The following NIT2 variants were observed in gnomAD, a reference collection of about 807,000 sequenced individuals.
NIT2 encodes the protein nitrilase family member 2.
A neutral mutation model predicts 42.7 loss-of-function variants in NIT2; 46 were observed. The ratio of observed to expected loss-of-function variants is 1.08; its 90% confidence interval spans 0.85 to 1.38. NIT2 has a LOEUF of 1.38. Ranked by LOEUF, NIT2 falls within the 40% of genes most tolerant of loss-of-function variation. NIT2 has a pLI of 0.00. For missense variants in NIT2, 309 were observed against 342.5 expected (o/e 0.90, Z 0.77); for synonymous variants, 123 against 121.9 (o/e 1.01, Z -0.06).
chr3:100,339,961 T>C, intron 3 of NIT2, 26 bp downstream of exon 3: 1 of 1,586,796 alleles, frequency 6.3e-7, no homozygotes, highest in East Asian at 2.3e-5. Context: ...CAAGGTATAA[T>C]GACCTAAACA....
intron 7 of NIT2, 32 bp downstream of exon 7, chr3:100,348,913 G>A (rs755490489): frequency 1.6e-5 from 26 of 1,583,894 alleles, no homozygotes; most frequent in Non-Finnish European, 2.1e-5. Context: ...CAAGCCTCTC[G>A]GCATGTCCTC....
intron 8 of NIT2, among the ~76,000 whole-genome samples, chr3:100,353,974 C>G (rs941331882): frequency 1.3e-5 from 2 of 152,094 alleles, no homozygotes; most frequent in Non-Finnish European, 2.9e-5. Context: ...TGGGGTTTCG[C>G]TTTGTTAGCC....
At position 100,339,691 on chromosome 3, in the gene NIT2, T is replaced by C. The variant is rs2148881056; in HGVS notation, c.127-124T>C. On this transcript the variant is annotated intron_variant, in intron 2 of 9. Coordinates refer to ENST00000394140, the MANE Select transcript of NIT2 (RefSeq NM_020202.5). ...CCTTGAGATGTCAGTGTTTTTCTTA[T>C]TAGCTGTGTTTTAACCCTTCGACTG... 4 of 885,690 alleles carry C rather than the reference T, an allele frequency of 4.5e-6. No homozygotes were observed. The South Asian group carries it at 7.6e-5, about 17-fold the overall frequency. 54.9% of individuals were successfully genotyped at this position (885,690 alleles called of 1,614,324 possible). A position where few individuals can be genotyped will look rare whatever the true frequency, so the allele number is the denominator to read the frequency against.
chr3:100,345,695 T>A lies in NIT2; in HGVS notation c.430+17T>A. ...TTGATACTCGTATGTACCAGATAAG[T>A]TTGCCTCTTTAGCAATCTCAGTAGA... On this transcript the variant is annotated intron_variant, in intron 5 of 9. Transcript: ENST00000394140. The A allele has an allele frequency of 6.5e-7, 1 of 1,534,538 alleles. No homozygotes were observed. The highest frequency in any genetic ancestry group is 9.0e-7 in the Non-Finnish European group (1 of 1,108,792).
rs1157251843 is a variant in NIT2 at position 100,355,507 on chromosome 3, T to C, written c.*239T>C. 2.6e-5 allele frequency: 11 copies of C among 418,338 alleles called. No homozygotes were observed. Among genetic ancestry groups the C allele is most frequent in the African/African-American group, 4.1e-5 (2 of 48,662 alleles). 25.9% of individuals were successfully genotyped at this position (418,338 alleles called of 1,614,324 possible). On this transcript the variant is annotated 3_prime_UTR_variant, in exon 10 of 10. Transcript: ENST00000394140. The stretch of plus-strand genomic sequence containing the variant: ...TGGGCTGGTTCTGAAGCTTCTTCCA[T>C]ACTTAAGTTGCCTCCAAGCAGTTTG...
At chr3:100,335,214 C>A (rs908677373) in intron 1 of NIT2, 1 of 199,484 alleles carries the variant, frequency 5.0e-6, no homozygotes, top group African/African-American at 2.4e-5. Flanking sequence ...CACTCACTTT[C>A]CAGCTCCAGA....
intron 7 of NIT2, chr3:100,349,108 CTTT>C (rs748206956): frequency 1.3e-3 from 296 of 229,136 alleles, no homozygotes; most frequent in Non-Finnish European, 1.6e-3. Flanking sequence ...GGAAACTGTA[CTTT>C]TTTTTTTTTT....
chr3:100,345,437 T>C lies in NIT2; in HGVS notation c.337-148T>C, dbSNP rs1481838753. ...TCATTTTGATAAGGTGTCAGCCAGC[T>C]TGTGGGGTGGATTATAAGCAGTTTG... On this transcript the variant is annotated intron_variant, in intron 4 of 9. Coordinates refer to ENST00000394140, the MANE Select transcript of NIT2 (RefSeq NM_020202.5). The C allele has an allele frequency of 4.9e-6, 3 of 612,432 alleles. No homozygotes were observed. The African/African-American group carries it at 5.6e-5, about 11-fold the overall frequency. The allele number at this position is 612,432 out of a possible 1,614,324, so 37.9% of individuals were successfully genotyped here.
intron 4 of NIT2, among the ~76,000 whole-genome samples, chr3:100,344,008 T>A (rs565375260): frequency 0.011 from 1,631 of 152,352 alleles, 29 homozygotes; most frequent in African/African-American, 0.038. Context: ...GCAGCAACTT[T>A]AGCTGCTCTG....
intron 8 of NIT2, 132 bp from the exon 9 acceptor site, chr3:100,354,640 C>G (rs1706306544): frequency 1.8e-6 from 1 of 564,192 alleles, no homozygotes; most frequent in African/African-American, 1.9e-5. Context: ...GAACATAAAT[C>G]TGTACGACTA....
intron 1 of NIT2, among the ~76,000 whole-genome samples, chr3:100,336,780 G>A (rs952791630): frequency 8.5e-5 from 13 of 152,140 alleles, no homozygotes; most frequent in African/African-American, 3.1e-4. Context: ...CGTTGCCCAG[G>A]GACGGGCAGG....
chr3:100,344,846 A>G (rs1305981492), intron 4 of NIT2, among the ~76,000 whole-genome samples: 1 of 151,916 alleles, frequency 6.6e-6, no homozygotes, highest in Non-Finnish European at 1.5e-5. Context: ...GGGTTTCACC[A>G]TGTTGGCCAG....
chr3:100,346,574 C>T (rs1421582877), intron 6 of NIT2, among the ~76,000 whole-genome samples: 1 of 152,158 alleles, frequency 6.6e-6, no homozygotes, highest in East Asian at 1.9e-4. Context: ...CCACTCAGTA[C>T]CCCTAGACAT....
At position 100,355,421 on chromosome 3, in the gene NIT2, A is replaced by G. The variant is rs912210159; in HGVS notation, c.*153A>G. 1 of 577,654 alleles carries G rather than the reference A, an allele frequency of 1.7e-6. No individual in the cohort carries two copies. Among genetic ancestry groups the G allele is most frequent in the Admixed American group, 3.3e-5 (1 of 30,482 alleles). The allele number at this position is 577,654 out of a possible 1,614,324, so 35.8% of individuals were successfully genotyped here. A position where few individuals can be genotyped will look rare whatever the true frequency, so the allele number is the denominator to read the frequency against. On this transcript the variant is annotated 3_prime_UTR_variant, in exon 10 of 10. Coordinates refer to ENST00000394140, the MANE Select transcript of NIT2 (RefSeq NM_020202.5). ...GATGAGAAAGCCTCATTATGCTGAC[A>G]TTTTCCACGCCACATTAAATAGTTA...
At chr3:100,341,193 A>C in intron 4 of NIT2, 32 bp downstream of exon 4, 1 of 1,511,484 alleles carries the variant, frequency 6.6e-7, no homozygotes, top group African/African-American at 1.4e-5. Flanking sequence ...AGAATTTGTT[A>C]TCTCTAAGCC....
At chr3:100,335,599 A>G (rs373552688) in intron 1 of NIT2, among the ~76,000 whole-genome samples, 2 of 152,218 alleles carry the variant, frequency 1.3e-5, no homozygotes, top group East Asian at 3.8e-4. Flanking sequence ...GGTCATTTGC[A>G]GAATGATAGG....
rs772883886 is a variant in NIT2, at chr3:100,356,798, T to C, written c.*1530T>C. On this transcript the variant is annotated 3_prime_UTR_variant, in exon 10 of 10. Coordinates refer to ENST00000394140, the MANE Select transcript of NIT2 (RefSeq NM_020202.5). ...TATAATCCCTCTGGCTAGTCCTTTG[T>C]CAATCACTGATAAATTTTATTACTA... 1.3e-5 allele frequency: 2 copies of C among 152,236 alleles called. No individual in the cohort carries two copies. The highest frequency in any genetic ancestry group is 1.3e-4 in the Admixed American group (2 of 15,280). 9.4% of individuals were successfully genotyped at this position (152,236 alleles called of 1,614,324 possible).
At chr3:100,352,879 T>C (rs1351701204) in intron 8 of NIT2, among the ~76,000 whole-genome samples, 2 of 152,152 alleles carry the variant, frequency 1.3e-5, no homozygotes, top group African/African-American at 4.8e-5. Flanking sequence ...TAGGAATGAG[T>C]TACAGGGTGA....
intron 6 of NIT2, among the ~76,000 whole-genome samples, chr3:100,347,361 G>T (rs1477996280): frequency 2.6e-5 from 4 of 152,342 alleles, no homozygotes; most frequent in East Asian, 1.9e-4. Context: ...CTCCCAAAGT[G>T]CTGGGATTAC....
Sources: gnomAD v4.1 joint callset for allele counts (sites outside exome capture counted in the v4.1 genomes callset) on GRCh38, gnomAD v4.1.1 for gene constraint, MANE v1.5 for transcripts, NCBI Gene and HGNC (gene_info 2026-07-23, HGNC 2026-07-21) for gene names.